Variants in INTS10 observed in about 807,000 individuals in gnomAD.
The protein encoded by INTS10 is chromosome 8 open reading frame 35.
Under a neutral mutation model 94.4 loss-of-function variants are expected in INTS10, and 44 were observed. The ratio of observed to expected loss-of-function variants is 0.47; its 90% CI spans 0.37 to 0.60. The LOEUF is 0.60. Among genes scored for constraint, INTS10 ranks in the 20% least tolerant of loss-of-function variants. INTS10 has a pLI of 0.00. For synonymous variants in INTS10, 341 were observed against 320.7 expected, an observed-to-expected ratio of 1.06 and a Z score of -0.68; for missense variants, 797 against 868.7, an observed-to-expected ratio of 0.92 and a Z score of 1.04.
In INTS10 at chr8:19,817,531, T is replaced by C. The variant is rs1317909287; in HGVS notation, c.-7T>C. ...CTTCGGGCTGGCGGCTGGAGAGCGC[T>C]CGGGTCATGTCTGCCCAGGGGGACT... On this transcript the variant is annotated 5_prime_UTR_variant, in exon 1 of 17. Coordinates refer to ENST00000397977, the MANE Select transcript of INTS10 (RefSeq NM_018142.4). 1.2e-6 allele frequency: 2 copies of C among 1,605,018 alleles called. No homozygotes were observed. The highest frequency in any genetic ancestry group is 1.7e-6 in the Non-Finnish European group (2 of 1,177,116).
intron 5 of INTS10, among the ~76,000 whole-genome samples, chr8:19,822,992 T>C (rs563214209): frequency 6.6e-6 from 1 of 152,108 alleles, no homozygotes; most frequent in South Asian, 2.1e-4. Context: ...ACTTTTGTTA[T>C]GTAAGATTTG....
At position 19,839,797 on chromosome 8, in the gene INTS10, T is replaced by C. The variant is rs1212472812; in HGVS notation, c.1639+2637T>C. ...AATCCCCAAGGCTGGGCGCAGTGGC[T>C]CACACCTCTAATCCCAACACTTTGG... On this transcript the variant is annotated intron_variant, in intron 13 of 16. Transcript: ENST00000397977. Among the ~76,000 whole-genome samples, 4 of 152,130 alleles carry C rather than the reference T, an allele frequency of 2.6e-5. 1 individual carries two copies. The highest frequency in any genetic ancestry group is 5.9e-5 in the Non-Finnish European group (4 of 68,026).
chr8:19,837,509 C>T (rs1182336968), intron 13 of INTS10: 4 of 185,390 alleles, frequency 2.2e-5, no homozygotes, highest in Non-Finnish European at 3.4e-5. Flanking sequence ...CCAAAGCTCT[C>T]TTCACTTCCT....
chr8:19,836,001 C>T (rs559751738), intron 12 of INTS10, among the ~76,000 whole-genome samples: 4 of 151,738 alleles, frequency 2.6e-5, no homozygotes, highest in South Asian at 2.1e-4. Flanking sequence ...GTCAGGGGGT[C>T]GGGGGCAAGG....
rs1428301995 is a variant in INTS10, at chr8:19,826,492, T to G, written c.1073T>G (p.Val358Gly). 6.2e-7 allele frequency: 1 copy of G among 1,613,288 alleles called. No homozygotes were observed. The highest frequency in any genetic ancestry group is 1.7e-5 in the Admixed American group (1 of 59,866). ...GATGTATCGAATGTGTATGGTGATG[T>G]AGAAATTGATCGTAATAAACACATC... is the stretch of plus-strand genomic sequence containing the variant. The part of the protein sequence containing the change: ...LEDVSNVYGD[V>G]EIDRNKHIHK... Residue 358 changes from valine to glycine, a missense_variant, in exon 9 of 17, where the codon GTA (valine) becomes GGA (glycine). Val to Gly is a moderately radical substitution (Grantham distance 109). Coordinates refer to ENST00000397977, the MANE Select transcript of INTS10 (RefSeq NM_018142.4).
intron 2 of INTS10, among the ~76,000 whole-genome samples, chr8:19,819,367 A>G (rs1308070986): frequency 6.6e-6 from 1 of 152,196 alleles, no homozygotes; most frequent in Non-Finnish European, 1.5e-5. Context: ...CTTTTCACCT[A>G]TAAAACCCAC....
chr8:19,841,923 C>T (rs1300825806), intron 13 of INTS10: 2 of 441,844 alleles, frequency 4.5e-6, no homozygotes, highest in East Asian at 7.0e-5. Flanking sequence ...ACTGTTATTC[C>T]ATGCACCTTT....
rs1477114508 is a variant in INTS10 at position 19,846,108 on chromosome 8, C to T, written c.1976+311C>T. Among the ~76,000 whole-genome samples, 1 of 151,966 alleles carries T rather than the reference C, an allele frequency of 6.6e-6. No homozygotes were observed. Among genetic ancestry groups the T allele is most frequent in the Non-Finnish European group, 1.5e-5 (1 of 67,988 alleles). On this transcript the variant is annotated intron_variant, in intron 16 of 16. Coordinates refer to ENST00000397977, the MANE Select transcript of INTS10 (RefSeq NM_018142.4). This position sits in a 1 kb window ranked among gnomAD's most constrained non-coding sequence, Gnocchi z 4.2. ...GTGAGTCTATAAGTTTCTGATTAGT[C>T]ACAGAGTGCCTTTAATTAAGAACAG...
chr8:19,850,335 A>G (rs1473460379), intron 16 of INTS10, among the ~76,000 whole-genome samples: 2 of 152,080 alleles, frequency 1.3e-5, no homozygotes, highest in Non-Finnish European at 2.9e-5. Flanking sequence ...CTATGTCCTA[A>G]CTACTGAGCT....
At chr8:19,820,076 T>C (rs1476854159) in intron 3 of INTS10, among the ~76,000 whole-genome samples, 1 of 152,250 alleles carries the variant, frequency 6.6e-6, no homozygotes, top group Non-Finnish European at 1.5e-5. Context: ...GCATAGGTCA[T>C]TTGAACTTCA....
At chr8:19,829,662 C>T (rs918351639) in intron 9 of INTS10, among the ~76,000 whole-genome samples, 2 of 152,082 alleles carry the variant, frequency 1.3e-5, no homozygotes, top group Admixed American at 6.6e-5. Flanking sequence ...TCTTAGAGGA[C>T]GCAGGCTTTA....
intron 13 of INTS10, among the ~76,000 whole-genome samples, chr8:19,842,358 AG>A (rs372682240): frequency 4.4e-4 from 67 of 152,350 alleles, no homozygotes; most frequent in Middle Eastern, 3.4e-3. Context: ...GAAAGCATGC[AG>A]AACAATCCAT....
rs150176509 is a variant in INTS10 at position 19,829,830 on chromosome 8, G to A, written c.1141-576G>A. 6.3e-3 allele frequency among the ~76,000 whole-genome samples: 960 copies of A among 152,178 alleles called. 14 individuals carry two copies. The highest frequency in any genetic ancestry group is 0.022 in the African/African-American group (919 of 41,516). The stretch of plus-strand genomic sequence containing the variant: ...ATTACAGGCACGTGCCACCATGCCC[G>A]GCTGACTTTGTATTTTTAATAGAGA... On this transcript the variant is annotated intron_variant, in intron 9 of 16. Transcript: ENST00000397977.
At chr8:19,839,828 C>T (rs543591879) in intron 13 of INTS10, among the ~76,000 whole-genome samples, 14 of 151,894 alleles carry the variant, frequency 9.2e-5, no homozygotes, top group Admixed American at 2.6e-4. Context: ...TTTGGGAGGC[C>T]GAGGCAGGTG....
chr8:19,817,704 A>T (rs1269689917), intron 1 of INTS10, 38 bp downstream of exon 1: 1 of 1,581,824 alleles, frequency 6.3e-7, no homozygotes, highest in Admixed American at 1.7e-5. Context: ...CTCTGCGTGG[A>T]GGTGCGCGCT....
At chr8:19,829,763 G>C (rs532104368) in intron 9 of INTS10, among the ~76,000 whole-genome samples, 39 of 152,134 alleles carry the variant, frequency 2.6e-4, no homozygotes, top group Non-Finnish European at 5.1e-4. Flanking sequence ...CTGCCTCCCG[G>C]GCTTAAGAAA....
At chr8:19,831,884 TAG>T in intron 10 of INTS10, 142 bp from the exon 11 acceptor site, 1 of 631,394 alleles carries the variant, frequency 1.6e-6, no homozygotes, top group South Asian at 1.8e-5. Flanking sequence ...CTTGAAATTC[TAG>T]AGCAGTGTGT....
At chr8:19,823,127 T>G (rs2066516673) in intron 5 of INTS10, among the ~76,000 whole-genome samples, 174 bp from the exon 6 acceptor site, 1 of 152,134 alleles carries the variant, frequency 6.6e-6, no homozygotes, top group Non-Finnish European at 1.5e-5. Flanking sequence ...CCTCCCTGAC[T>G]CCAGCCACTG....
rs1354862171 is a variant in INTS10 at position 19,830,434 on chromosome 8, A to G, written c.1169A>G (p.Lys390Arg). 1 of 1,614,066 alleles carries G rather than the reference A, an allele frequency of 6.2e-7. No individual in the cohort carries two copies. Among genetic ancestry groups the G allele is most frequent in the South Asian group, 1.1e-5 (1 of 91,054 alleles). ...MSSDDEDCSA[K>R]GRNRHIVVNK... ...TCAGACGATGAAGACTGTTCGGCGA[A>G]AGGAAGAAATCGTCACATTGTAGTC... Residue 390 changes from lysine (K) to arginine (R), a missense_variant, in exon 10 of 17, where the codon AAA (lysine) becomes AGA (arginine). Physicochemically the swap from Lys to Arg is conservative, Grantham distance 26. This residue lies in a region of INTS10 where 734 missense variants were observed against 787.8 expected (regional missense o/e 0.93). Transcript: ENST00000397977.
Sources: gnomAD v4.1 joint callset for allele counts (sites outside exome capture counted in the v4.1 genomes callset) on GRCh38, gnomAD v4.1.1 for gene constraint, gnomAD v4.1.1 regional missense constraint, Gnocchi (gnomAD v3.1) non-coding constraint, MANE v1.5 for transcripts, NCBI Gene and HGNC (gene_info 2026-07-23, HGNC 2026-07-21) for gene names.